FLT3: variants seen among roughly 807,000 people sequenced by gnomAD.
FLT3 encodes the protein fms related receptor tyrosine kinase 3.
A neutral mutation model predicts 126.6 loss-of-function variants in FLT3; 46 were observed. The ratio of observed to expected loss-of-function variants is 0.36; its 90% CI spans 0.29 to 0.46. The LOEUF is 0.46. Ranked by LOEUF, FLT3 falls within the 20% of genes least tolerant of loss-of-function variation. The pLI is 1.00. For missense variants in FLT3, 1,069 were observed against 1,190.3 expected (o/e 0.90, Z 1.50); for synonymous variants, 404 against 434.4 (o/e 0.93, Z 0.87).
At chr13:28,040,459 T>G (rs548061038) in intron 9 of FLT3, among the ~76,000 whole-genome samples, 13 of 152,136 alleles carry the variant, frequency 8.5e-5, no homozygotes, top group African/African-American at 2.9e-4. Context: ...CCCAACACTT[T>G]GGGAGGCTGA....
intron 1 of FLT3, among the ~76,000 whole-genome samples, chr13:28,081,844 C>CTTTTTTTTTTTTTTTTTTTT (rs35243277): frequency 1.5e-5 from 1 of 64,988 alleles, no homozygotes; most frequent in Non-Finnish European, 2.7e-5. Context: ...TACTTTGATT[C>CTTTTTTTTTTTTTTTTTTTT]TTTTTTTTTT....
chr13:28,029,017 A>G (rs963272842), intron 15 of FLT3, among the ~76,000 whole-genome samples: 10 of 152,188 alleles, frequency 6.6e-5, no homozygotes, highest in Admixed American at 3.9e-4. Context: ...CCTAGATTCA[A>G]GCAATCCTCC....
Position 28,018,568 on chromosome 13 carries a change from C to T in FLT3, c.2440G>A (p.Ala814Thr), listed in dbSNP as rs201208287. The T allele has an allele frequency of 4.5e-5, 72 of 1,613,990 alleles. No individual in the cohort carries two copies. Among genetic ancestry groups the T allele is most frequent in the Middle Eastern group, 1.6e-4 (1 of 6,084 alleles). Residue 814 changes from alanine to threonine, a missense_variant, in exon 20 of 24, where the codon GCC (alanine) becomes ACC (threonine). By Grantham distance (58) the Ala-to-Thr change is moderately conservative. Coordinates refer to ENST00000241453, the MANE Select transcript of FLT3 (RefSeq NM_004119.3). The part of the protein sequence containing the change: ...FKSCVHRDLA[A>T]RNVLVTHGKV... ...CCGTGGGTGACAAGCACGTTCCTGG[C>T]GGCCAGGTCTCTGTGAACACACTGT...
chr13:28,063,458 G>C (rs1462258824), intron 2 of FLT3, among the ~76,000 whole-genome samples: 2 of 152,060 alleles, frequency 1.3e-5, no homozygotes, highest in Non-Finnish European at 2.9e-5. Context: ...CCAGCCTGGG[G>C]GACGGAGTCA....
intron 4 of FLT3, 69 bp downstream of exon 4, chr13:28,057,278 G>A: frequency 2.5e-6 from 2 of 787,464 alleles, no homozygotes; most frequent in Non-Finnish European, 4.6e-6. Flanking sequence ...CAAGCTAACG[G>A]GTTCTAAACC....
intron 21 of FLT3, 42 bp from the exon 22 acceptor site, chr13:28,015,298 T>C: frequency 7.9e-7 from 1 of 1,262,984 alleles, no homozygotes. Context: ...CATCCATTTC[T>C]TCATTTGTTT....
chr13:28,099,241 T>C (rs1032477481), intron 1 of FLT3, among the ~76,000 whole-genome samples: 2 of 152,198 alleles, frequency 1.3e-5, no homozygotes, highest in Non-Finnish European at 2.9e-5. Context: ...ATGCACTTAC[T>C]ACTTAATATC....
intron 4 of FLT3, among the ~76,000 whole-genome samples, chr13:28,054,942 T>A (rs1208126084): frequency 1.3e-5 from 2 of 152,240 alleles, no homozygotes; most frequent in African/African-American, 4.8e-5. Context: ...TTTCATTTTG[T>A]TCGTTTTTCT....
chr13:28,030,092 G>A (rs1242265919), intron 15 of FLT3, among the ~76,000 whole-genome samples: 2 of 152,122 alleles, frequency 1.3e-5, no homozygotes, highest in East Asian at 1.9e-4. Context: ...GATTTGGTTC[G>A]ATTGCCAGGT....
At chr13:28,085,056 G>C (rs1487851556) in intron 1 of FLT3, among the ~76,000 whole-genome samples, 1 of 151,044 alleles carries the variant, frequency 6.6e-6, no homozygotes. Flanking sequence ...CACCTGAAAA[G>C]ATGTGCAAGC....
At chr13:28,066,380 C>G (rs370985108) in intron 2 of FLT3, among the ~76,000 whole-genome samples, 5 of 152,244 alleles carry the variant, frequency 3.3e-5, no homozygotes, top group East Asian at 1.9e-4. Context: ...TAAATACTAC[C>G]CCCCAGAGAA....
chr13:28,033,802 G>C (rs1427495465), intron 15 of FLT3, 85 bp downstream of exon 15: 2 of 1,018,418 alleles, frequency 2.0e-6, no homozygotes, highest in African/African-American at 3.2e-5. Flanking sequence ...CCATTAAAAG[G>C]ATGGAAAAGA....
At chr13:28,053,433 G>A (rs929920587) in intron 4 of FLT3, among the ~76,000 whole-genome samples, 10 of 123,224 alleles carry the variant, frequency 8.1e-5, no homozygotes, top group African/African-American at 3.1e-4. Context: ...TATATGGAGT[G>A]TAAATTTCAA....
chr13:28,079,038 C>G (rs892165481), intron 1 of FLT3, among the ~76,000 whole-genome samples: 1 of 152,050 alleles, frequency 6.6e-6, no homozygotes, highest in Non-Finnish European at 1.5e-5. Context: ...ATTGCATAAT[C>G]CTGCTGCAAA....
At chr13:28,022,749 G>A (rs1681595050) in intron 19 of FLT3, among the ~76,000 whole-genome samples, 1 of 152,166 alleles carries the variant, frequency 6.6e-6, no homozygotes, top group African/African-American at 2.4e-5. Flanking sequence ...TTATAGGCAG[G>A]AGACATTTGA....
chr13:28,083,487 G>A (rs902743687), intron 1 of FLT3, among the ~76,000 whole-genome samples: 1 of 152,160 alleles, frequency 6.6e-6, no homozygotes, highest in East Asian at 1.9e-4. Context: ...TGGTATTAGA[G>A]TAATGCTGGC....
chr13:28,081,461 G>C (rs1222960332), intron 1 of FLT3, among the ~76,000 whole-genome samples: 2 of 152,086 alleles, frequency 1.3e-5, no homozygotes, highest in Admixed American at 6.6e-5. Flanking sequence ...AGTACATCCT[G>C]CAAACTTACA....
chr13:28,049,277 T>G (rs1566082496), intron 8 of FLT3, 107 bp downstream of exon 8: 6 of 1,021,006 alleles, frequency 5.9e-6, no homozygotes, highest in Non-Finnish European at 8.7e-6. Context: ...TTTCTTAGTG[T>G]TTGATAGTAG....
chr13:28,019,457 G>C (rs759460121), intron 19 of FLT3, among the ~76,000 whole-genome samples: 23 of 152,202 alleles, frequency 1.5e-4, no homozygotes, highest in Middle Eastern at 3.4e-3. Context: ...ACTTTACAAA[G>C]GAAGATCTGA....
Sources: allele counts gnomAD v4.1 joint callset (sites outside exome capture counted in the v4.1 genomes callset), GRCh38; gene constraint gnomAD v4.1.1; transcripts MANE v1.5; gene names NCBI Gene and HGNC (gene_info 2026-07-23, HGNC 2026-07-21).